Variants in KCNJ15 observed in about 807,000 individuals in gnomAD.
KCNJ15 encodes potassium inwardly rectifying channel subfamily J member 15, also known as ATP-sensitive inward rectifier potassium channel 15.
A neutral mutation model predicts 23.0 loss-of-function variants in KCNJ15; 14 were observed. That is an observed-to-expected ratio of 0.61 (90% CI 0.40 to 0.95). KCNJ15 has a LOEUF of 0.95. KCNJ15 is among the 40% of genes least tolerant of loss of function. The pLI is 0.00. For missense variants in KCNJ15, 388 were observed against 461.8 expected, an observed-to-expected ratio of 0.84 and a Z score of 1.46; for synonymous variants, 185 against 183.2, an observed-to-expected ratio of 1.01 and a Z score of -0.08.
At chr21:38,291,964 G>A (rs1445205699) in intron 1 of KCNJ15, among the ~76,000 whole-genome samples, 1 of 152,174 alleles carries the variant, frequency 6.6e-6, no homozygotes, top group Non-Finnish European at 1.5e-5. Flanking sequence ...CTAATATCAG[G>A]CCTGGCACAG....
chr21:38,269,343 C>T (rs1224317968), intron 1 of KCNJ15, among the ~76,000 whole-genome samples: 1 of 152,076 alleles, frequency 6.6e-6, no homozygotes, highest in Non-Finnish European at 1.5e-5. Context: ...AGGCGTTATA[C>T]CCTATAGCCA....
rs550493311 is a variant in KCNJ15 at position 38,274,277 on chromosome 21, C to T, written c.-117+17092C>T. On this transcript the variant is annotated intron_variant, in intron 1 of 2. Transcript: ENST00000398938. The stretch of plus-strand genomic sequence containing the variant: ...CTCTTGTTGCCTCTCCTACATGTGA[C>T]TCAAAAGCTAGCCAAGTTTGTTCCA... Among the ~76,000 whole-genome samples the T allele has an allele frequency of 1.3e-5, 2 of 152,350 alleles. 1 individual carries two copies. The highest frequency in any genetic ancestry group is 1.3e-4 in the Admixed American group (2 of 15,304).
chr21:38,299,269 C>T lies in KCNJ15; in HGVS notation c.8C>T (p.Ala3Val), dbSNP rs1985493305. MD[A>V]IHIGMSSTPL... ...TGTTTCCAGAGCCTGGCAATGGATG[C>T]CATTCACATCGGCATGTCCAGCACC... The change falls in exon 3 of 3, where the codon GCC becomes GTC. Residue 3 changes from alanine (A) to valine (V), a missense_variant. Ala to Val is a moderately conservative substitution (Grantham distance 64, BLOSUM62 0). Coordinates refer to ENST00000398938, the MANE Select transcript of KCNJ15 (RefSeq NM_170736.3). The surrounding 1 kb of genome is among the most constrained non-coding windows in gnomAD (Gnocchi z 4.5). The T allele has an allele frequency of 3.1e-6, 5 of 1,610,220 alleles. No homozygotes were observed. In the Middle Eastern group the frequency reaches 5.0e-4, roughly 160 times the overall value.
At position 38,301,383 on chromosome 21, in the gene KCNJ15, T is replaced by A. The variant is rs1209062194; in HGVS notation, c.*994T>A. 6.0e-6 allele frequency: 1 copy of A among 167,098 alleles called. No homozygotes were observed. Among genetic ancestry groups the A allele is most frequent in the South Asian group, 2.1e-4 (1 of 4,824 alleles). 10.4% of individuals were successfully genotyped at this position (167,098 alleles called of 1,614,324 possible). A position where few individuals can be genotyped will look rare whatever the true frequency, so the allele number is the denominator to read the frequency against. ...TCATTTCATTATTATTGGCCAATAT[T>A]TCTTTCAGCCATTTCATTTCTTATC... On this transcript the variant is annotated 3_prime_UTR_variant, in exon 3 of 3. Coordinates refer to ENST00000398938, the MANE Select transcript of KCNJ15 (RefSeq NM_170736.3).
At chr21:38,248,914 A>G (rs1020257937) in intron 1 of KCNJ15, among the ~76,000 whole-genome samples, 3 of 151,938 alleles carry the variant, frequency 2.0e-5, no homozygotes, top group Non-Finnish European at 4.4e-5. Context: ...TCCAAACTGC[A>G]TAAGGACCCT....
intron 1 of KCNJ15, among the ~76,000 whole-genome samples, chr21:38,296,040 G>A (rs1985115511): frequency 6.6e-6 from 1 of 152,220 alleles, no homozygotes; most frequent in Non-Finnish European, 1.5e-5. Context: ...AAGTATAAGT[G>A]TGCCTGTGTG....
At chr21:38,256,006 G>T (rs1980195217), upstream of KCNJ15, among the ~76,000 whole-genome samples, 2 of 152,056 alleles carry the variant, frequency 1.3e-5, no homozygotes, top group South Asian at 4.1e-4. Context: ...GCTCTCTCTA[G>T]GGGAAGTGCT....
At chr21:38,290,320 G>C (rs1984462796) in intron 1 of KCNJ15, among the ~76,000 whole-genome samples, 2 of 150,614 alleles carry the variant, frequency 1.3e-5, no homozygotes, top group African/African-American at 2.5e-5. Flanking sequence ...GGAGTAAAGG[G>C]AACAACGATG....
At chr21:38,260,576 G>A (rs570286064) in intron 1 of KCNJ15, among the ~76,000 whole-genome samples, 9 of 152,296 alleles carry the variant, frequency 5.9e-5, no homozygotes, top group African/African-American at 2.2e-4. Context: ...TAAAGCACAA[G>A]CACACAATTC....
At chr21:38,276,759 G>A (rs904151550) in intron 1 of KCNJ15, among the ~76,000 whole-genome samples, 1 of 151,842 alleles carries the variant, frequency 6.6e-6, no homozygotes, top group Non-Finnish European at 1.5e-5. Context: ...CAAAAAGTAG[G>A]ATATTATTTC....
At chr21:38,282,147 T>A (rs1266899634) in intron 1 of KCNJ15, among the ~76,000 whole-genome samples, 1 of 152,190 alleles carries the variant, frequency 6.6e-6, no homozygotes, top group Non-Finnish European at 1.5e-5. Flanking sequence ...TTATTCAAGT[T>A]CACCATGGAT....
Position 38,299,308 on chromosome 21 carries a change from A to G in KCNJ15, c.47A>G (p.His16Arg), listed in dbSNP as rs1985500637. The stretch of plus-strand genomic sequence containing the variant: ...ATGTCCAGCACCCCCCTGGTGAAGC[A>G]CACTGCTGGGGCTGGGCTCAAGGCC... ...IGMSSTPLVK[H>R]TAGAGLKANR... Residue 16 changes from histidine (H) to arginine (R), a missense_variant, in exon 3 of 3, where the codon CAC becomes CGC. By Grantham distance (29) the His-to-Arg change is conservative (BLOSUM62 0). Coordinates refer to ENST00000398938, the MANE Select transcript of KCNJ15 (RefSeq NM_170736.3). This position sits in a 1 kb window ranked among gnomAD's most constrained non-coding sequence, Gnocchi z 4.5. 1.2e-6 allele frequency: 2 copies of G among 1,614,200 alleles called. No homozygotes were observed. The highest frequency in any genetic ancestry group is 1.7e-6 in the Non-Finnish European group (2 of 1,180,010).
At position 38,285,591 on chromosome 21, in the gene KCNJ15, G is replaced by A. The variant is rs544803119; in HGVS notation, c.-116-11335G>A. ...TGTTCAACCTGACTTTTGAAGGACA[G>A]GTGGGAGTTAACCAAGAAAGGGAGA... On this transcript the variant is annotated intron_variant, in intron 1 of 2. Transcript: ENST00000398938. 3 of 152,282 alleles carry A rather than the reference G, an allele frequency of 2.0e-5. No homozygotes were observed. The South Asian group carries it at 6.2e-4, about 32-fold the overall frequency. The allele number at this position is 152,282 out of a possible 1,614,324, so 9.4% of individuals were successfully genotyped here.
At chr21:38,267,980 C>A (rs1040616759) in intron 1 of KCNJ15, among the ~76,000 whole-genome samples, 1 of 152,128 alleles carries the variant, frequency 6.6e-6, no homozygotes, top group African/African-American at 2.4e-5. Context: ...AAGGAAGATT[C>A]CAGCAACTCA....
At chr21:38,280,073 A>G (rs1452313386) in intron 1 of KCNJ15, among the ~76,000 whole-genome samples, 2 of 152,150 alleles carry the variant, frequency 1.3e-5, no homozygotes, top group Non-Finnish European at 2.9e-5. Flanking sequence ...ATTGGCTTTA[A>G]TCCCTCTTGA....
upstream of KCNJ15, among the ~76,000 whole-genome samples, chr21:38,253,325 G>A (rs1163257234): frequency 1.3e-5 from 2 of 152,154 alleles, no homozygotes; most frequent in East Asian, 3.9e-4. Context: ...TTGCTAGAAA[G>A]ACCCAAAGGC....
In KCNJ15 at chr21:38,299,585, C is replaced by T; in HGVS notation, c.324C>T (p.Ile108=). The T allele has an allele frequency of 6.2e-7, 1 of 1,614,136 alleles. No individual in the cohort carries two copies. Among genetic ancestry groups the T allele is most frequent in the Non-Finnish European group, 8.5e-7 (1 of 1,180,008 alleles). Residue 108 remains isoleucine, a synonymous_variant, in exon 3 of 3, where the codon ATC becomes ATT. Transcript: ENST00000398938. The surrounding 1 kb of genome is among the most constrained non-coding windows in gnomAD (Gnocchi z 4.5). ...CCATTTCAAATCATACCCCCTGCAT[C>T]ATGAAAGTGGACTCTCTCACTGGGG... The part of the protein sequence containing the change: ...GEPISNHTPC[I]MKVDSLTGAF...
chr21:38,245,931 G>A (rs930990709), intron 1 of KCNJ15, among the ~76,000 whole-genome samples: 19 of 152,314 alleles, frequency 1.2e-4, no homozygotes, highest in Non-Finnish European at 1.8e-4. Flanking sequence ...TGAGGCCTGT[G>A]AAGTGAGATC....
chr21:38,266,407 T>A (rs1981470343), intron 1 of KCNJ15, among the ~76,000 whole-genome samples: 2 of 152,164 alleles, frequency 1.3e-5, no homozygotes, highest in South Asian at 4.1e-4. Flanking sequence ...TCTGTTCTTG[T>A]GTTAGTTTGC....
Sources: gnomAD v4.1 joint callset for allele counts (sites outside exome capture counted in the v4.1 genomes callset) on GRCh38, gnomAD v4.1.1 for gene constraint, Gnocchi (gnomAD v3.1) non-coding constraint, MANE v1.5 for transcripts, NCBI Gene and HGNC (gene_info 2026-07-23, HGNC 2026-07-21) for gene names.